ABLIM1: variants seen among roughly 807,000 people sequenced by gnomAD.
The protein encoded by ABLIM1 is actin binding LIM protein 1, also known as actin-binding LIM protein 1.
In ABLIM1, 40 loss-of-function variants were observed where a neutral mutation model predicts 107.0. That is an observed-to-expected ratio of 0.37 (90% CI 0.29 to 0.49). The LOEUF (loss-of-function observed/expected upper bound fraction) is 0.49, where lower values mean the gene tolerates loss of function less well. Among genes scored for constraint, ABLIM1 ranks in the 20% least tolerant of loss-of-function variants. The pLI is 0.97. For missense variants in ABLIM1, 857 were observed against 1,008.5 expected (o/e 0.85, Z 2.04); for synonymous variants, 357 against 357.3 (o/e 1.00, Z 0.01).
intron 6 of ABLIM1, among the ~76,000 whole-genome samples, chr10:114,517,863 T>C (rs2063123598): frequency 6.6e-6 from 1 of 152,140 alleles, no homozygotes; most frequent in Admixed American, 6.5e-5. Context: ...ATAGTAACGC[T>C]GCACGGGCTG....
At chr10:114,518,362 T>C (rs191907121) in intron 6 of ABLIM1, among the ~76,000 whole-genome samples, 33 of 152,150 alleles carry the variant, frequency 2.2e-4, no homozygotes, top group African/African-American at 7.7e-4. Context: ...ATAAGTACAC[T>C]TCTTTGTACT....
intron 1 of ABLIM1, 45 bp from the exon 2 acceptor site, chr10:114,602,006 C>T (rs2076049114): frequency 6.2e-6 from 10 of 1,607,592 alleles, no homozygotes; most frequent in South Asian, 1.1e-5. Context: ...GAGAGCATTC[C>T]TGCAAAAGGG....
intron 1 of ABLIM1, chr10:114,632,546 A>C (rs2140767521): frequency 1.0e-6 from 1 of 985,406 alleles, no homozygotes; most frequent in East Asian, 1.1e-4. Flanking sequence ...CTTTCTTATG[A>C]AAAATGAATA....
the ABLIM1 span, among the ~76,000 whole-genome samples, chr10:114,791,106 T>A: frequency 6.6e-6 from 1 of 152,182 alleles, no homozygotes; most frequent in South Asian, 2.1e-4. Flanking sequence ...GGGGTCTCAC[T>A]CTGTCTCCCA....
At chr10:114,541,441 C>G (rs1407148273) in intron 6 of ABLIM1, among the ~76,000 whole-genome samples, 1 of 152,112 alleles carries the variant, frequency 6.6e-6, no homozygotes, top group Admixed American at 6.5e-5. Flanking sequence ...AATCCACCAT[C>G]ACAATATTTC....
intron 6 of ABLIM1, among the ~76,000 whole-genome samples, chr10:114,528,304 A>T (rs10787533): frequency 0.39 from 59,631 of 151,978 alleles, 12,789 homozygotes; most frequent in Non-Finnish European, 0.49. Context: ...AGGATGATTT[A>T]CGAAATTTTT....
At chr10:114,468,119 G>A (rs2065581115) in intron 11 of ABLIM1, 62 bp downstream of exon 11, 1 of 1,451,028 alleles carries the variant, frequency 6.9e-7, no homozygotes, top group Non-Finnish European at 9.7e-7. Context: ...TCCCAGTCTA[G>A]GGAAGGGCCA....
chr10:114,538,409 G>T (rs931734739), intron 6 of ABLIM1, among the ~76,000 whole-genome samples: 1 of 152,172 alleles, frequency 6.6e-6, no homozygotes, highest in Non-Finnish European at 1.5e-5. Flanking sequence ...GGGTGGCCTC[G>T]TAGGGCAGAA....
intron 4 of ABLIM1, among the ~76,000 whole-genome samples, chr10:114,569,480 C>T (rs547827969): frequency 9.3e-4 from 142 of 152,074 alleles, no homozygotes; most frequent in African/African-American, 2.0e-3. Flanking sequence ...CCACCACGCT[C>T]GGCTAATTTT....
chr10:114,567,564 A>G (rs1455596988), intron 4 of ABLIM1, among the ~76,000 whole-genome samples: 1 of 152,204 alleles, frequency 6.6e-6, no homozygotes, highest in African/African-American at 2.4e-5. Context: ...CTCCAGTGGG[A>G]GCTCTTCCTA....
At chr10:114,751,044 T>C (rs1429950088) in intron 1 of ABLIM1, among the ~76,000 whole-genome samples, 2 of 152,176 alleles carry the variant, frequency 1.3e-5, no homozygotes, top group African/African-American at 4.8e-5. Flanking sequence ...CGCTGATGCT[T>C]TACTGCAAAG....
intron 2 of ABLIM1, among the ~76,000 whole-genome samples, chr10:114,595,981 A>G (rs183794509): frequency 6.6e-6 from 1 of 151,984 alleles, no homozygotes; most frequent in Admixed American, 6.5e-5. Flanking sequence ...CCCAAACTGA[A>G]CTCATCTTTC....
chr10:114,550,115 T>C (rs968841151), intron 4 of ABLIM1, among the ~76,000 whole-genome samples: 4 of 152,192 alleles, frequency 2.6e-5, no homozygotes, highest in Admixed American at 6.5e-5. Flanking sequence ...AATTTCTTAA[T>C]GTATGGCCCA....
At chr10:114,634,288 A>G (rs1445085656) in intron 1 of ABLIM1, among the ~76,000 whole-genome samples, 1 of 147,704 alleles carries the variant, frequency 6.8e-6, no homozygotes, top group Non-Finnish European at 1.5e-5. Flanking sequence ...GCCCGCTACC[A>G]CGCCCGGCTA....
chr10:114,707,934 C>CAAA lies in ABLIM1; in HGVS notation c.-213+60124_-213+60126dup, dbSNP rs533987850. Among the ~76,000 whole-genome samples, 47 of 146,486 alleles carry CAAA rather than the reference C, an allele frequency of 3.2e-4. No homozygotes were observed. Among genetic ancestry groups the CAAA allele is most frequent in the Middle Eastern group, 3.4e-3 (1 of 294 alleles). ...ACAAACAAACAAACAACAACAACAACAAAAAACCTAATTACCAACAGTTTT... is the reference window on the plus strand; with the variant it reads ...ACAAACAAACAAACAACAACAACAACAAAAAAAAACCTAATTACCAACAGTTTT... On this transcript the variant is annotated intron_variant, in intron 1 of 15. Transcript: ENST00000651092. This position sits in a 1 kb window ranked among gnomAD's most constrained non-coding sequence, Gnocchi z 4.1.
At chr10:114,556,430 G>GT (rs1268850845) in intron 4 of ABLIM1, among the ~76,000 whole-genome samples, 1 of 152,178 alleles carries the variant, frequency 6.6e-6, no homozygotes, top group East Asian at 1.9e-4. Context: ...GTCGGCAAGG[G>GT]TTTCCATCCC....
At chr10:114,666,640 G>T (rs1426446970) in intron 1 of ABLIM1, among the ~76,000 whole-genome samples, 3 of 148,516 alleles carry the variant, frequency 2.0e-5, no homozygotes, top group Non-Finnish European at 4.5e-5. Flanking sequence ...TTGAAGCTTG[G>T]TTACTTCATC....
intron 1 of ABLIM1, among the ~76,000 whole-genome samples, chr10:114,602,983 G>A (rs1161549073): frequency 6.6e-6 from 1 of 152,196 alleles, no homozygotes; most frequent in Non-Finnish European, 1.5e-5. Flanking sequence ...CAGATAGGCA[G>A]TGTTTGCTAC....
chr10:114,713,448 G>A (rs1380740980), intron 1 of ABLIM1, among the ~76,000 whole-genome samples: 3 of 152,180 alleles, frequency 2.0e-5, no homozygotes, highest in African/African-American at 7.2e-5. Context: ...ACAACCCAGA[G>A]AAATCAAAAC....
Sources: gnomAD v4.1 joint callset for allele counts (sites outside exome capture counted in the v4.1 genomes callset) on GRCh38, gnomAD v4.1.1 for gene constraint, Gnocchi (gnomAD v3.1) non-coding constraint, MANE v1.5 for transcripts, NCBI Gene and HGNC (gene_info 2026-07-23, HGNC 2026-07-21) for gene names.